CDKL2: variants seen among roughly 807,000 people sequenced by gnomAD.
CDKL2 encodes cyclin dependent kinase like 2.
CDKL2 carries 64 observed loss-of-function variants against 63.9 expected under a neutral mutation model. The ratio of observed to expected loss-of-function variants is 1.00; its 90% confidence interval spans 0.82 to 1.23. The LOEUF (loss-of-function observed/expected upper bound fraction) is 1.23. Among genes scored for constraint, CDKL2 ranks in the 50% most tolerant of loss-of-function variants. The pLI is 0.00. For missense variants in CDKL2, 656 were observed against 668.0 expected, an observed-to-expected ratio of 0.98 and a Z score of 0.20; for synonymous variants, 211 against 229.2, an observed-to-expected ratio of 0.92 and a Z score of 0.72.
chr4:75,600,029 G>A (rs1464005744), intron 7 of CDKL2, among the ~76,000 whole-genome samples: 4 of 152,176 alleles, frequency 2.6e-5, no homozygotes, highest in African/African-American at 7.2e-5. Flanking sequence ...ACTGGTAGAC[G>A]TCACCACAGG....
In CDKL2 at chr4:75,600,282, T is replaced by G. The variant is rs1729122516; in HGVS notation, c.883A>C (p.Arg295=). 1 of 1,608,106 alleles carries G rather than the reference T, an allele frequency of 6.2e-7. No homozygotes were observed. ...GAAAAACATGGGTAAGTACTATACCTCTCAGCAAATCCATCCATTTGAAAG... is the reference window on the plus strand; with the variant it reads ...GAAAAACATGGGTAAGTACTATACCGCTCAGCAAATCCATCCATTTGAAAG... ...DFFQMDGFAE[R]FSQELQLKVQ... is the part of the protein sequence containing the mutation. The change falls in exon 7 of 14, where the codon AGG becomes CGG. Residue 295 remains arginine, a splice_region_variant and synonymous_variant. Transcript: ENST00000307465.
At chr4:75,582,240 C>T (rs947610977) in intron 12 of CDKL2, among the ~76,000 whole-genome samples, 3 of 152,128 alleles carry the variant, frequency 2.0e-5, no homozygotes, top group African/African-American at 7.2e-5. Context: ...CATATAAAGA[C>T]TTTGAAGCAG....
chr4:75,627,803 T>A (rs1420370012), intron 1 of CDKL2, among the ~76,000 whole-genome samples: 4 of 130,252 alleles, frequency 3.1e-5, no homozygotes, highest in Non-Finnish European at 6.2e-5. Context: ...AACCTCTGCC[T>A]CCCAGGTTCA....
chr4:75,594,309 G>A (rs1728824488), intron 10 of CDKL2, among the ~76,000 whole-genome samples: 1 of 152,028 alleles, frequency 6.6e-6, no homozygotes, highest in Non-Finnish European at 1.5e-5. Flanking sequence ...TTAGCTGGGT[G>A]TGGTGGCAGG....
chr4:75,614,361 G>A lies in CDKL2; in HGVS notation c.257C>T (p.Thr86Ile), dbSNP rs766004182. Residue 86 changes from threonine (T) to isoleucine (I), a missense_variant, in exon 3 of 14, where the codon ACA becomes ATA. Thr to Ile is a moderately conservative substitution (Grantham distance 89, BLOSUM62 -1). Transcript: ENST00000307465. ...WYLVFEFVDHTILDDLELFPN... is the reference protein window; with the variant it reads ...WYLVFEFVDHIILDDLELFPN... ...AAAGAGCTCCAAGTCATCAAGAATT[G>A]TGTGGTCAACAAATTCAAAGACTAG... 6.2e-7 allele frequency: 1 copy of A among 1,610,658 alleles called. No homozygotes were observed. The highest frequency in any genetic ancestry group is 1.1e-5 in the South Asian group (1 of 90,130).
intron 2 of CDKL2, among the ~76,000 whole-genome samples, chr4:75,617,775 T>C (rs1729991583): frequency 6.6e-6 from 1 of 152,190 alleles, no homozygotes; most frequent in African/African-American, 2.4e-5. Flanking sequence ...TTGCAAAGAT[T>C]TCCACAGTAG....
At chr4:75,619,702 C>T (rs1221126149) in intron 2 of CDKL2, among the ~76,000 whole-genome samples, 3 of 150,948 alleles carry the variant, frequency 2.0e-5, no homozygotes, top group Admixed American at 6.6e-5. Context: ...ATCAAATCAG[C>T]GGGCAATAAA....
chr4:75,624,783 G>A (rs192411607), intron 2 of CDKL2, among the ~76,000 whole-genome samples: 4 of 151,996 alleles, frequency 2.6e-5, no homozygotes, highest in Admixed American at 2.0e-4. Context: ...ACTTGAACCC[G>A]GGAGGAGGAG....
intron 4 of CDKL2, among the ~76,000 whole-genome samples, chr4:75,606,241 A>G (rs1435119004): frequency 6.0e-5 from 9 of 150,526 alleles, no homozygotes; most frequent in Admixed American, 4.0e-4. Context: ...TTGAGACAGA[A>G]TCTCACTCTG....
chr4:75,606,204 AT>A (rs1452612909), intron 4 of CDKL2, among the ~76,000 whole-genome samples: 3 of 134,428 alleles, frequency 2.2e-5, no homozygotes, highest in Non-Finnish European at 3.1e-5. Context: ...GAACTGAGGG[AT>A]GATAGGGATA....
chr4:75,620,591 G>C (rs1376753638), intron 2 of CDKL2, among the ~76,000 whole-genome samples: 1 of 152,152 alleles, frequency 6.6e-6, no homozygotes, highest in Non-Finnish European at 1.5e-5. Flanking sequence ...GAACGAAAAA[G>C]ATAATATAGT....
rs888493645 is a variant in CDKL2, at chr4:75,578,313, T to C, written c.*889A>G. On this transcript the variant is annotated 3_prime_UTR_variant, in exon 14 of 14. Transcript: ENST00000307465. ...GGAGTCCATAATAATGAACGTTCTC[T>C]CCCCAAACCCTCTTCAGCTGGGTAG... The C allele has an allele frequency of 6.6e-6, 1 of 152,146 alleles. No individual in the cohort carries two copies. Among genetic ancestry groups the C allele is most frequent in the African/African-American group, 2.4e-5 (1 of 41,416 alleles). The allele number at this position is 152,146 out of a possible 1,614,324, so 9.4% of individuals were successfully genotyped here.
chr4:75,603,085 C>T (rs1274052932), intron 6 of CDKL2, among the ~76,000 whole-genome samples: 5 of 148,802 alleles, frequency 3.4e-5, no homozygotes, highest in Non-Finnish European at 7.4e-5. Context: ...CTGCAAGCTC[C>T]GCTTCCCGGG....
chr4:75,621,098 G>A (rs1377351966), intron 2 of CDKL2, among the ~76,000 whole-genome samples: 1 of 151,936 alleles, frequency 6.6e-6, no homozygotes, highest in Non-Finnish European at 1.5e-5. Context: ...AACATGCCCA[G>A]CTAATTTTTG....
chr4:75,628,733 G>C (rs1471441274), intron 1 of CDKL2, among the ~76,000 whole-genome samples: 1 of 152,030 alleles, frequency 6.6e-6, no homozygotes, highest in Non-Finnish European at 1.5e-5. Flanking sequence ...TTCTCTATTG[G>C]AACAGTGATG....
At chr4:75,596,094 C>T (rs1560577865) in intron 10 of CDKL2, 153 bp downstream of exon 10, 2 of 448,404 alleles carry the variant, frequency 4.5e-6, no homozygotes, top group Admixed American at 4.1e-5. Flanking sequence ...ACGTTTATGA[C>T]TATGATGGGT....
chr4:75,597,004 T>C lies in CDKL2; in HGVS notation c.1253A>G (p.Asn418Ser), dbSNP rs775585566. Residue 418 changes from asparagine (N) to serine (S), a missense_variant, in exon 9 of 14, where the codon AAT (asparagine) becomes AGT (serine). Physicochemically the swap from Asn to Ser is conservative, Grantham distance 46. Transcript: ENST00000307465. ...AATGCTGGGAGCAACTGCAGAAAGA[T>C]TGTGTGTAAGTGGGGGAATTGCCAC... ...PSVAIPPLTH[N>S]LSAVAPSINS... The C allele has an allele frequency of 1.2e-6, 2 of 1,614,066 alleles. No individual in the cohort carries two copies. Among genetic ancestry groups the C allele is most frequent in the Admixed American group, 1.7e-5 (1 of 60,000 alleles).
At chr4:75,600,453 T>C (rs1261756685) in intron 6 of CDKL2, 84 bp from the exon 7 acceptor site, 2 of 911,074 alleles carry the variant, frequency 2.2e-6, no homozygotes, top group Non-Finnish European at 3.4e-6. Context: ...AAATCCTCTT[T>C]ATAGTCAACG....
At chr4:75,623,245 C>T (rs1215292863) in intron 2 of CDKL2, among the ~76,000 whole-genome samples, 1 of 152,150 alleles carries the variant, frequency 6.6e-6, no homozygotes. Context: ...TGCCACTGCA[C>T]TGCAGCCCGG....
Sources: gnomAD v4.1 joint callset for allele counts (sites outside exome capture counted in the v4.1 genomes callset) on GRCh38, gnomAD v4.1.1 for gene constraint, MANE v1.5 for transcripts, NCBI Gene and HGNC (gene_info 2026-07-23, HGNC 2026-07-21) for gene names.